The following PTPRG variants were observed in gnomAD, a reference collection of about 807,000 sequenced individuals.
The protein encoded by PTPRG is receptor-type tyrosine-protein phosphatase gamma.
A neutral mutation model predicts 165.3 loss-of-function variants in PTPRG; 102 were observed. That is an observed-to-expected ratio of 0.62 (90% confidence interval 0.53 to 0.73). The LOEUF is 0.73. PTPRG is among the 30% of genes least tolerant of loss of function. The probability of loss-of-function intolerance (pLI) is 0.00; values close to 1 mark genes in which losing one functional copy is unlikely to be tolerated. For synonymous variants in PTPRG, 675 were observed against 669.5 expected (o/e 1.01, Z -0.13); for missense variants, 1,866 against 1,861.4 (o/e 1.00, Z -0.05).
chr3:62,042,443 TGACA>T (rs1188771579), intron 4 of PTPRG, among the ~76,000 whole-genome samples: 2 of 152,244 alleles, frequency 1.3e-5, no homozygotes, highest in African/African-American at 4.8e-5. Context: ...TCTGATCTTC[TGACA>T]GACTTATTTC....
intron 7 of PTPRG, among the ~76,000 whole-genome samples, chr3:62,165,296 A>T (rs1157885575): frequency 6.6e-6 from 1 of 152,060 alleles, no homozygotes; most frequent in Non-Finnish European, 1.5e-5. Flanking sequence ...AATACTTCTC[A>T]TATGATTTTA....
At chr3:62,131,867 A>C (rs1301844442) in intron 5 of PTPRG, among the ~76,000 whole-genome samples, 1 of 152,212 alleles carries the variant, frequency 6.6e-6, no homozygotes, top group Non-Finnish European at 1.5e-5. Context: ...ATTTGTAAAT[A>C]TCTCTGTATG....
chr3:62,050,017 T>G (rs556556814), intron 4 of PTPRG, among the ~76,000 whole-genome samples: 2 of 152,208 alleles, frequency 1.3e-5, no homozygotes, highest in African/African-American at 4.8e-5. Context: ...ATCAAGCTTG[T>G]TGAATATTTT....
At chr3:61,623,139 G>A (rs959019389) in intron 1 of PTPRG, among the ~76,000 whole-genome samples, 2 of 152,190 alleles carry the variant, frequency 1.3e-5, no homozygotes, top group Non-Finnish European at 2.9e-5. Flanking sequence ...GGATTTGGAA[G>A]GGTATGATAG....
intron 2 of PTPRG, among the ~76,000 whole-genome samples, chr3:61,856,822 T>G (rs754456480): frequency 6.6e-6 from 1 of 152,214 alleles, no homozygotes; most frequent in Non-Finnish European, 1.5e-5. Context: ...GAAAGTCTTA[T>G]GAGGAGGACT....
chr3:61,694,884 C>T (rs2030470266), intron 1 of PTPRG, among the ~76,000 whole-genome samples: 1 of 152,208 alleles, frequency 6.6e-6, no homozygotes, highest in Non-Finnish European at 1.5e-5. Context: ...CTCTCACCCT[C>T]ACTCTCTCTC....
chr3:62,146,257 C>T (rs1704117131), intron 6 of PTPRG, among the ~76,000 whole-genome samples: 1 of 152,182 alleles, frequency 6.6e-6, no homozygotes, highest in African/African-American at 2.4e-5. Flanking sequence ...AATCAAAATG[C>T]CATCCTTGGT....
chr3:61,838,879 G>A (rs981840417), intron 2 of PTPRG, among the ~76,000 whole-genome samples: 2 of 152,168 alleles, frequency 1.3e-5, no homozygotes, highest in Admixed American at 1.3e-4. Flanking sequence ...AGAATTCTGA[G>A]AGTTTGCATT....
chr3:61,710,111 G>A (rs1161057388), intron 1 of PTPRG, among the ~76,000 whole-genome samples: 1 of 152,136 alleles, frequency 6.6e-6, no homozygotes, highest in African/African-American at 2.4e-5. Context: ...CCATAGGTTT[G>A]TTGCCTGACA....
chr3:61,637,538 C>T (rs1701945783), intron 1 of PTPRG, among the ~76,000 whole-genome samples: 1 of 152,152 alleles, frequency 6.6e-6, no homozygotes, highest in Non-Finnish European at 1.5e-5. Context: ...TGAGACTGTG[C>T]AGATCAAGCA....
chr3:62,078,504 A>G (rs1474190776), intron 5 of PTPRG, among the ~76,000 whole-genome samples: 2 of 152,172 alleles, frequency 1.3e-5, no homozygotes, highest in African/African-American at 4.8e-5. Flanking sequence ...TGAAGAACAC[A>G]TTTATCATCT....
In PTPRG at chr3:62,294,410, A is replaced by G. The variant is rs764541765; in HGVS notation, c.*1103A>G. 8 of 152,180 alleles carry G rather than the reference A, an allele frequency of 5.3e-5. No individual in the cohort carries two copies. Among genetic ancestry groups the G allele is most frequent in the Non-Finnish European group, 1.2e-4 (8 of 68,026 alleles). The allele number at this position is 152,180 out of a possible 1,614,324, so 9.4% of individuals were successfully genotyped here. On this transcript the variant is annotated 3_prime_UTR_variant, in exon 30 of 30. Coordinates refer to ENST00000474889, the MANE Select transcript of PTPRG (RefSeq NM_002841.4). Reference sequence around the variant, plus strand: ...CTGTCTTAGCAAAAGTCTTGGGACTATCTAAACTCCCACACATAGATAAAT... The same window carrying G: ...CTGTCTTAGCAAAAGTCTTGGGACTGTCTAAACTCCCACACATAGATAAAT...
intron 4 of PTPRG, among the ~76,000 whole-genome samples, chr3:62,053,351 C>T (rs530799480): frequency 1.6e-3 from 234 of 150,340 alleles, no homozygotes; most frequent in African/African-American, 5.5e-3. Context: ...ACTGCAACCT[C>T]CACCTCCCAG....
intron 2 of PTPRG, among the ~76,000 whole-genome samples, chr3:61,969,738 T>G (rs1448529865): frequency 6.6e-6 from 1 of 152,112 alleles, no homozygotes; most frequent in Non-Finnish European, 1.5e-5. Context: ...TTGGCACCTA[T>G]CAGCTGCATA....
intron 2 of PTPRG, among the ~76,000 whole-genome samples, chr3:61,893,883 G>A (rs1320862859): frequency 6.6e-6 from 1 of 152,158 alleles, no homozygotes; most frequent in African/African-American, 2.4e-5. Context: ...TGCTGGTCAG[G>A]TCACTTACTA....
intron 2 of PTPRG, among the ~76,000 whole-genome samples, chr3:61,817,012 T>C (rs1299123461): frequency 3.7e-5 from 4 of 108,420 alleles, no homozygotes; most frequent in African/African-American, 1.1e-4. Context: ...AATATAAATA[T>C]ATATACTATA....
intron 14 of PTPRG, among the ~76,000 whole-genome samples, chr3:62,239,255 T>A (rs1435091150): frequency 6.6e-6 from 1 of 152,140 alleles, no homozygotes; most frequent in African/African-American, 2.4e-5. Flanking sequence ...GTAAGTTAGT[T>A]GAAAGAGAAT....
chr3:61,714,611 T>C (rs140113313), intron 1 of PTPRG, among the ~76,000 whole-genome samples: 1 of 152,316 alleles, frequency 6.6e-6, no homozygotes, highest in African/African-American at 2.4e-5. Context: ...ATCCAGGCTC[T>C]TTCTCAAGTT....
At chr3:62,211,415 T>A (rs991482148) in intron 12 of PTPRG, among the ~76,000 whole-genome samples, 5 of 152,182 alleles carry the variant, frequency 3.3e-5, no homozygotes, top group Admixed American at 1.3e-4. Context: ...GTTCTGGAGA[T>A]CAGTTGCGCA....
Sources: allele counts gnomAD v4.1 joint callset (sites outside exome capture counted in the v4.1 genomes callset), GRCh38; gene constraint gnomAD v4.1.1; transcripts MANE v1.5; gene names NCBI Gene and HGNC (gene_info 2026-07-23, HGNC 2026-07-21).